The following GRID1 variants were observed in gnomAD, a reference collection of about 807,000 sequenced individuals.
The protein encoded by GRID1 is glutamate ionotropic receptor delta type subunit 1.
GRID1 carries 28 observed loss-of-function variants against 98.0 expected under a neutral mutation model. That is an observed-to-expected ratio of 0.29 (90% CI 0.21 to 0.39). The LOEUF is 0.39. GRID1 is among the 10% of genes least tolerant of loss of function. The pLI, the probability that GRID1 is intolerant of heterozygous loss-of-function variation, is 1.00. For synonymous variants in GRID1, 553 were observed against 538.5 expected, an observed-to-expected ratio of 1.03 and a Z score of -0.37; for missense variants, 1,111 against 1,340.5, an observed-to-expected ratio of 0.83 and a Z score of 2.67.
intron 2 of GRID1, among the ~76,000 whole-genome samples, chr10:86,332,721 C>A (rs1312984171): frequency 2.0e-5 from 3 of 152,082 alleles, no homozygotes; most frequent in Non-Finnish European, 4.4e-5. Context: ...ACCCAGGTCC[C>A]CCAAGTACCC....
rs1031045975 is a variant in GRID1 at position 85,882,848 on chromosome 10, T to G, written c.781-13668A>C. 5.9e-5 allele frequency among the ~76,000 whole-genome samples: 9 copies of G among 152,120 alleles called. No individual in the cohort carries two copies. In the East Asian group the frequency reaches 1.7e-3, roughly 29 times the overall value. ...TGATATGCCTTTTCTGTTTGGATGC[T>G]TTTTTAGGTTTTTGCTTGTCTTTGG... On this transcript the variant is annotated intron_variant, in intron 5 of 15. Transcript: ENST00000327946.
chr10:86,040,354 G>A (rs945410417), intron 4 of GRID1, among the ~76,000 whole-genome samples: 6 of 152,016 alleles, frequency 3.9e-5, no homozygotes, highest in Non-Finnish European at 7.4e-5. Flanking sequence ...ATCAATGGAT[G>A]AACAGATAAA....
intron 4 of GRID1, among the ~76,000 whole-genome samples, chr10:85,919,892 T>C (rs1841677946): frequency 6.6e-6 from 1 of 152,002 alleles, no homozygotes; most frequent in Non-Finnish European, 1.5e-5. Context: ...GTGAATCCTG[T>C]TAGCATTTTT....
At position 86,306,419 on chromosome 10, in the gene GRID1, T is replaced by C. The variant is rs111721353; in HGVS notation, c.235+57522A>G. ...CCTCCCAGTGATTTAAAATAGCTCC[T>C]AGTCACATTTGGCACTCCCTTATCT... On this transcript the variant is annotated intron_variant, in intron 2 of 15. Transcript: ENST00000327946. 3.9e-5 allele frequency among the ~76,000 whole-genome samples: 6 copies of C among 152,326 alleles called. 1 individual carries two copies. The highest frequency in any genetic ancestry group is 1.4e-4 in the African/African-American group (6 of 41,580).
intron 4 of GRID1, among the ~76,000 whole-genome samples, chr10:86,029,269 C>T (rs1843154838): frequency 6.6e-6 from 1 of 152,238 alleles, no homozygotes; most frequent in Non-Finnish European, 1.5e-5. Context: ...ATGGCACTGT[C>T]CTTGACTCTT....
chr10:86,219,471 C>T lies in GRID1; in HGVS notation c.236-12823G>A, dbSNP rs531725406. Among the ~76,000 whole-genome samples, 534 of 152,332 alleles carry T rather than the reference C, an allele frequency of 3.5e-3. 6 individuals carry two copies. The highest frequency in any genetic ancestry group is 0.012 in the African/African-American group (507 of 41,580). ...CTGCCCAGCCTAGTTGTTTACCGAC[C>T]TTGGCTGCCAGCAAGCCCCCAGCAT... On this transcript the variant is annotated intron_variant, in intron 2 of 15. Transcript: ENST00000327946.
At chr10:85,942,710 AC>A (rs1423086269) in intron 4 of GRID1, among the ~76,000 whole-genome samples, 3 of 152,244 alleles carry the variant, frequency 2.0e-5, no homozygotes, top group African/African-American at 7.2e-5. Flanking sequence ...ATTATAGATT[AC>A]AAAAGTCTAT....
At chr10:85,989,899 G>A (rs1842659077) in intron 4 of GRID1, among the ~76,000 whole-genome samples, 1 of 152,206 alleles carries the variant, frequency 6.6e-6, no homozygotes, top group Non-Finnish European at 1.5e-5. Flanking sequence ...GTTAAAGAGA[G>A]TGTATCCCTC....
intron 4 of GRID1, among the ~76,000 whole-genome samples, chr10:86,100,985 G>A (rs886241975): frequency 1.3e-5 from 2 of 152,142 alleles, no homozygotes; most frequent in African/African-American, 4.8e-5. Context: ...CCATTAAATG[G>A]TCACTGGTGA....
At chr10:86,051,038 A>G (rs1232239395) in intron 4 of GRID1, among the ~76,000 whole-genome samples, 1 of 151,670 alleles carries the variant, frequency 6.6e-6, no homozygotes, top group Non-Finnish European at 1.5e-5. Flanking sequence ...AGATTGCGCC[A>G]TTGCACTCCA....
intron 3 of GRID1, among the ~76,000 whole-genome samples, chr10:86,150,959 G>A (rs1163929913): frequency 6.6e-6 from 1 of 152,156 alleles, no homozygotes; most frequent in Admixed American, 6.5e-5. Context: ...CCCAGCATGA[G>A]GTATCTTGTT....
At chr10:85,885,808 G>A (rs1197537644) in intron 5 of GRID1, among the ~76,000 whole-genome samples, 1 of 152,166 alleles carries the variant, frequency 6.6e-6, no homozygotes, top group Non-Finnish European at 1.5e-5. Flanking sequence ...AGGAAAAGAG[G>A]AATAAGTTAC....
chr10:85,671,817 A>C (rs895800364), intron 12 of GRID1, among the ~76,000 whole-genome samples: 3 of 152,252 alleles, frequency 2.0e-5, no homozygotes, highest in Non-Finnish European at 4.4e-5. Context: ...ATGAATTATA[A>C]GAAAGCAAAA....
chr10:86,280,575 G>A (rs1847342084), intron 2 of GRID1, among the ~76,000 whole-genome samples: 2 of 152,184 alleles, frequency 1.3e-5, no homozygotes, highest in African/African-American at 4.8e-5. Flanking sequence ...TGTAGCAGGG[G>A]CTGAGTGGCT....
Position 85,680,005 on chromosome 10 carries a change from A to G in GRID1, c.1998-32608T>C, listed in dbSNP as rs77025380. On this transcript the variant is annotated intron_variant, in intron 12 of 15. Transcript: ENST00000327946. Reference sequence around the variant, plus strand: ...CGTGGGCAGGGCATCTCAGGCTCCTATGCATGCAGCACAGTCCCACGTCAG... The same window carrying G: ...CGTGGGCAGGGCATCTCAGGCTCCTGTGCATGCAGCACAGTCCCACGTCAG... Among the ~76,000 whole-genome samples the G allele has an allele frequency of 1.6e-3, 249 of 152,250 alleles. 2 individuals are homozygous for G. Among genetic ancestry groups the G allele is most frequent in the African/African-American group, 5.7e-3 (236 of 41,550 alleles).
At chr10:85,778,850 C>T (rs568696429) in intron 8 of GRID1, among the ~76,000 whole-genome samples, 3 of 152,146 alleles carry the variant, frequency 2.0e-5, no homozygotes, top group Non-Finnish European at 2.9e-5. Flanking sequence ...AGCTATGCCT[C>T]CCTTCTGCAA....
At chr10:86,285,009 T>C (rs1283735548) in intron 2 of GRID1, among the ~76,000 whole-genome samples, 1 of 151,802 alleles carries the variant, frequency 6.6e-6, no homozygotes, top group Non-Finnish European at 1.5e-5. Flanking sequence ...GACCATGCCA[T>C]GCCTCTCCAG....
At chr10:85,648,205 A>G (rs2132553798) in intron 12 of GRID1, 1 of 152,386 alleles carries the variant, frequency 6.6e-6, no homozygotes, top group Middle Eastern at 3.4e-3. Flanking sequence ...GGATTTCACA[A>G]GGAACGGCCA....
At chr10:86,235,243 G>A (rs1434461809) in intron 2 of GRID1, among the ~76,000 whole-genome samples, 1 of 152,162 alleles carries the variant, frequency 6.6e-6, no homozygotes, top group Non-Finnish European at 1.5e-5. Flanking sequence ...CATTGCAGAG[G>A]GCAGAGGTCT....
Sources: allele counts gnomAD v4.1 joint callset (sites outside exome capture counted in the v4.1 genomes callset), GRCh38; gene constraint gnomAD v4.1.1; transcripts MANE v1.5; gene names NCBI Gene and HGNC (gene_info 2026-07-23, HGNC 2026-07-21).